The following INPP5B variants were observed in gnomAD, a reference collection of about 807,000 sequenced individuals.
INPP5B encodes type II inositol 1,4,5-trisphosphate 5-phosphatase.
Under a neutral mutation model 118.5 loss-of-function variants are expected in INPP5B, and 90 were observed. That is an observed-to-expected ratio of 0.76 (90% confidence interval 0.64 to 0.90). INPP5B has a LOEUF of 0.90. Among genes scored for constraint, INPP5B ranks in the 40% least tolerant of loss-of-function variants. The probability of loss-of-function intolerance (pLI) is 0.00; values close to 1 mark genes in which losing one functional copy is unlikely to be tolerated. For synonymous variants in INPP5B, 385 were observed against 418.9 expected (o/e 0.92, Z 0.99); for missense variants, 984 against 1,125.6 (o/e 0.87, Z 1.80).
intron 6 of INPP5B, among the ~76,000 whole-genome samples, chr1:37,934,769 A>T (rs547160326): frequency 1.3e-5 from 2 of 152,150 alleles, no homozygotes; most frequent in South Asian, 4.1e-4. Flanking sequence ...ACTGCAAGAC[A>T]CACACCCAAT....
At chr1:37,904,645 A>T (rs1644444872) in intron 7 of INPP5B, among the ~76,000 whole-genome samples, 1 of 152,166 alleles carries the variant, frequency 6.6e-6, no homozygotes, top group East Asian at 1.9e-4. Flanking sequence ...TGGGAGGCCG[A>T]GGTGGGCGGA....
chr1:37,911,808 A>G (rs1047994079), intron 7 of INPP5B, among the ~76,000 whole-genome samples: 1 of 152,298 alleles, frequency 6.6e-6, no homozygotes, highest in African/African-American at 2.4e-5. Context: ...AGGAAGCTGG[A>G]GTCATTCACT....
intron 16 of INPP5B, among the ~76,000 whole-genome samples, chr1:37,876,059 T>G (rs1037059244): frequency 6.6e-6 from 1 of 151,814 alleles, no homozygotes; most frequent in African/African-American, 2.4e-5. Context: ...AGGCCAGCAG[T>G]GAGAACTTTT....
intron 7 of INPP5B, among the ~76,000 whole-genome samples, chr1:37,903,225 G>A (rs1213182633): frequency 3.3e-5 from 5 of 152,118 alleles, no homozygotes; most frequent in African/African-American, 4.8e-5. Context: ...AGACCTTGCT[G>A]ATAAAACAGG....
In INPP5B at chr1:37,888,213, T is replaced by C. The variant is rs761271461; in HGVS notation, c.899+30A>G. 2.2e-6 allele frequency: 3 copies of C among 1,350,668 alleles called. No homozygotes were observed. In the East Asian group the frequency reaches 8.1e-5, roughly 37 times the overall value. 83.7% of individuals were successfully genotyped at this position (1,350,668 alleles called of 1,614,324 possible). A position where few individuals can be genotyped will look rare whatever the true frequency, so the allele number is the denominator to read the frequency against. ...AACCACAGCTCTGTGTGCTTGAAGA[T>C]GGAGAGGGGACTAGAAGAGAAGCAC... On this transcript the variant is annotated intron_variant, in intron 10 of 23. Transcript: ENST00000373024.
intron 21 of INPP5B, among the ~76,000 whole-genome samples, chr1:37,866,110 T>G (rs1642012949): frequency 6.6e-6 from 1 of 152,084 alleles, no homozygotes; most frequent in Non-Finnish European, 1.5e-5. Context: ...ATTCTTAGCC[T>G]GGGCAACATG....
At position 37,888,130 on chromosome 1, in the gene INPP5B, G is replaced by T. The variant is rs1643642633; in HGVS notation, c.899+113C>A. 3 of 581,606 alleles carry T rather than the reference G, an allele frequency of 5.2e-6. 1 individual carries two copies. The highest frequency in any genetic ancestry group is 8.4e-6 in the Non-Finnish European group (3 of 357,256). 36.0% of individuals were successfully genotyped at this position (581,606 alleles called of 1,614,324 possible). A position where few individuals can be genotyped will look rare whatever the true frequency, so the allele number is the denominator to read the frequency against. ...AAGAACATCAAACAGGGAAACAGCT[G>T]TTATCAGGCATCTGTTCATTTTTCA... is the stretch of plus-strand genomic sequence containing the variant. On this transcript the variant is annotated intron_variant, in intron 10 of 23. Transcript: ENST00000373024.
chr1:37,881,112 AAACT>A (rs1643173943), intron 14 of INPP5B, among the ~76,000 whole-genome samples: 1 of 152,244 alleles, frequency 6.6e-6, no homozygotes, highest in Non-Finnish European at 1.5e-5. Context: ...ACCACTTAAC[AAACT>A]AATAGTTTTT....
At chr1:37,946,190 C>A in intron 2 of INPP5B, 62 bp downstream of exon 2, 1 of 1,496,820 alleles carries the variant, frequency 6.7e-7, no homozygotes, top group Non-Finnish European at 9.2e-7. Context: ...ACCTCGACAC[C>A]TTCCATTCCT....
chr1:37,918,903 C>T (rs1644961433), intron 7 of INPP5B, among the ~76,000 whole-genome samples: 1 of 152,176 alleles, frequency 6.6e-6, no homozygotes, highest in South Asian at 2.1e-4. Flanking sequence ...TTATCAAGTA[C>T]CTCTCATAGT....
chr1:37,873,494 T>C (rs997550276), intron 18 of INPP5B: 3 of 363,762 alleles, frequency 8.2e-6, no homozygotes, highest in Non-Finnish European at 1.5e-5. Flanking sequence ...CCAGGTAAGA[T>C]GAAGATGACT....
intron 16 of INPP5B, among the ~76,000 whole-genome samples, chr1:37,876,158 C>T (rs906050916): frequency 1.2e-4 from 18 of 148,662 alleles, no homozygotes; most frequent in Non-Finnish European, 2.5e-4. Context: ...GGCTGGAGTA[C>T]AATAGAGTGA....
rs183939819 is a variant in INPP5B at position 37,874,733 on chromosome 1, T to G, written c.1789-578A>C. Among the ~76,000 whole-genome samples, 35 of 152,220 alleles carry G rather than the reference T, an allele frequency of 2.3e-4. 1 individual carries two copies. Among genetic ancestry groups the G allele is most frequent in the Middle Eastern group, 3.4e-3 (1 of 294 alleles). ...ATTGCTTGAACCTAGGAGGCGGAGG[T>G]TGCAGTGAGCCGAGATCGTGCCATT... is the stretch of plus-strand genomic sequence containing the variant. On this transcript the variant is annotated intron_variant, in intron 17 of 23. Transcript: ENST00000373024.
chr1:37,894,655 G>A (rs1343726631), intron 7 of INPP5B, among the ~76,000 whole-genome samples: 3 of 150,330 alleles, frequency 2.0e-5, no homozygotes, highest in South Asian at 2.1e-4. Flanking sequence ...TCTGCCTCCC[G>A]GGTTCAAGCT....
intron 19 of INPP5B, chr1:37,869,973 G>A (rs1277292150): frequency 1.3e-5 from 2 of 151,806 alleles, no homozygotes; most frequent in Non-Finnish European, 2.9e-5. Context: ...TGTCTCCATA[G>A]GAATCTTTTA....
intron 8 of INPP5B, among the ~76,000 whole-genome samples, chr1:37,889,976 C>T (rs1643748191): frequency 6.6e-6 from 1 of 152,144 alleles, no homozygotes; most frequent in East Asian, 1.9e-4. Context: ...ACCAGAGGGG[C>T]ATCTTAAAGA....
intron 6 of INPP5B, among the ~76,000 whole-genome samples, chr1:37,934,374 C>T (rs756575730): frequency 2.0e-5 from 3 of 152,088 alleles, no homozygotes; most frequent in African/African-American, 7.2e-5. Context: ...TGCATTGTCT[C>T]GGTATCTAGA....
chr1:37,896,632 G>A (rs574738646), intron 7 of INPP5B, among the ~76,000 whole-genome samples: 19 of 142,496 alleles, frequency 1.3e-4, no homozygotes, highest in South Asian at 4.5e-4. Context: ...CAGCCGCCCC[G>A]TCCGGGAGGT....
chr1:37,937,682 G>T (rs563219105), intron 6 of INPP5B, among the ~76,000 whole-genome samples: 2 of 151,194 alleles, frequency 1.3e-5, no homozygotes, highest in South Asian at 4.2e-4. Flanking sequence ...CAGGAGAATC[G>T]CTTGAACCCA....
Sources: allele counts gnomAD v4.1 joint callset (sites outside exome capture counted in the v4.1 genomes callset), GRCh38; gene constraint gnomAD v4.1.1; transcripts MANE v1.5; gene names NCBI Gene and HGNC (gene_info 2026-07-23, HGNC 2026-07-21).